The following GMDS variants were observed in gnomAD, a reference collection of about 807,000 sequenced individuals.
GMDS encodes the protein GDP-mannose 4,6 dehydratase.
In GMDS, 20 loss-of-function variants were observed where a neutral mutation model predicts 49.9. The observed-to-expected ratio is 0.40, with a 90% CI of 0.28 to 0.58. GMDS has a LOEUF of 0.58. GMDS is among the 20% of genes least tolerant of loss of function. The probability of loss-of-function intolerance (pLI) is 0.42; values close to 1 mark genes in which losing one functional copy is unlikely to be tolerated. For synonymous variants in GMDS, 177 were observed against 178.6 expected (o/e 0.99, Z 0.07); for missense variants, 362 against 481.4 (o/e 0.75, Z 2.32).
intron 7 of GMDS, among the ~76,000 whole-genome samples, chr6:1,755,940 C>T (rs1458510179): frequency 6.6e-6 from 1 of 152,154 alleles, no homozygotes; most frequent in Non-Finnish European, 1.5e-5. Flanking sequence ...AGCTGTTGCA[C>T]AGCAAAAGAA....
intron 1 of GMDS, among the ~76,000 whole-genome samples, chr6:2,186,413 A>G (rs1177204881): frequency 1.3e-5 from 2 of 152,214 alleles, no homozygotes; most frequent in Non-Finnish European, 2.9e-5. Flanking sequence ...TTCCCAAAAT[A>G]AGGCAAAGGG....
intron 1 of GMDS, among the ~76,000 whole-genome samples, chr6:2,126,448 A>G (rs185452115): frequency 1.3e-5 from 2 of 152,120 alleles, no homozygotes; most frequent in African/African-American, 4.8e-5. Flanking sequence ...AAAACAAAAA[A>G]CCTTTTTCTT....
intron 9 of GMDS, among the ~76,000 whole-genome samples, chr6:1,637,323 C>T (rs980102419): frequency 5.3e-5 from 8 of 152,232 alleles, no homozygotes; most frequent in Non-Finnish European, 7.3e-5. Flanking sequence ...GCTTCCCGGC[C>T]GGCCCCGCAG....
chr6:2,101,073 A>G (rs891480905), intron 4 of GMDS, among the ~76,000 whole-genome samples: 5 of 151,896 alleles, frequency 3.3e-5, no homozygotes. Flanking sequence ...AAAAGTGAGC[A>G]TTTAAGTGTC....
At chr6:1,767,613 G>GA (rs1768408687) in intron 7 of GMDS, among the ~76,000 whole-genome samples, 1 of 152,324 alleles carries the variant, frequency 6.6e-6, no homozygotes, top group African/African-American at 2.4e-5. Flanking sequence ...AGCAAGTGCT[G>GA]AAAAGGTGAC....
At chr6:1,789,291 G>A (rs369066994) in intron 7 of GMDS, among the ~76,000 whole-genome samples, 5 of 152,222 alleles carry the variant, frequency 3.3e-5, no homozygotes, top group Admixed American at 2.0e-4. Context: ...ACCACTGGCC[G>A]TATGCTGACC....
At chr6:2,063,646 T>A (rs1771329781) in intron 4 of GMDS, among the ~76,000 whole-genome samples, 1 of 152,192 alleles carries the variant, frequency 6.6e-6, no homozygotes, top group Admixed American at 6.5e-5. Context: ...TGTTCCAAAC[T>A]CAATAAAAGA....
chr6:2,113,322 C>T (rs1774655874), intron 4 of GMDS, among the ~76,000 whole-genome samples: 1 of 152,082 alleles, frequency 6.6e-6, no homozygotes, highest in Admixed American at 6.5e-5. Flanking sequence ...CCATCCTCAT[C>T]CAGCAACTTC....
intron 9 of GMDS, among the ~76,000 whole-genome samples, chr6:1,656,866 T>C (rs911937976): frequency 1.3e-5 from 2 of 152,162 alleles, no homozygotes; most frequent in African/African-American, 4.8e-5. Context: ...TACAGGACTT[T>C]GTTGGAGAAG....
intron 4 of GMDS, among the ~76,000 whole-genome samples, chr6:1,961,342 A>G (rs1460067015): frequency 6.6e-6 from 1 of 152,168 alleles, no homozygotes; most frequent in Non-Finnish European, 1.5e-5. Context: ...GGAAATTTAC[A>G]TTTTTAATGA....
intron 4 of GMDS, among the ~76,000 whole-genome samples, chr6:2,042,243 T>C (rs140465266): frequency 9.4e-4 from 143 of 152,360 alleles, no homozygotes; most frequent in Non-Finnish European, 1.5e-3. Context: ...AGTGAATACC[T>C]TAAAGTATTC....
At chr6:2,146,919 T>C (rs1487375715) in intron 1 of GMDS, among the ~76,000 whole-genome samples, 1 of 152,158 alleles carries the variant, frequency 6.6e-6, no homozygotes, top group Non-Finnish European at 1.5e-5. Flanking sequence ...CTTTTGGAGA[T>C]GGAAAGGAAC....
At chr6:2,193,156 C>A (rs1035802380) in intron 1 of GMDS, among the ~76,000 whole-genome samples, 5 of 152,206 alleles carry the variant, frequency 3.3e-5, no homozygotes, top group African/African-American at 1.2e-4. Flanking sequence ...ACAGTCTGCA[C>A]GGCCAAAGAC....
chr6:1,944,412 G>T (rs1214107412), intron 6 of GMDS, among the ~76,000 whole-genome samples: 4 of 152,086 alleles, frequency 2.6e-5, no homozygotes, highest in Non-Finnish European at 5.9e-5. Context: ...GGCTGAGGCA[G>T]GAGAATGGCG....
chr6:2,104,990 G>T (rs1317510766), intron 4 of GMDS, among the ~76,000 whole-genome samples: 1 of 151,878 alleles, frequency 6.6e-6, no homozygotes, highest in African/African-American at 2.4e-5. Flanking sequence ...AGACCATCCT[G>T]GCTAACATGG....
At chr6:2,151,571 C>T (rs920052085) in intron 1 of GMDS, among the ~76,000 whole-genome samples, 6 of 152,040 alleles carry the variant, frequency 3.9e-5, no homozygotes, top group Non-Finnish European at 8.8e-5. Context: ...TGTATAAAAG[C>T]TCTTAGTGTA....
chr6:1,758,667 G>C (rs1357405329), intron 7 of GMDS, among the ~76,000 whole-genome samples: 2 of 152,212 alleles, frequency 1.3e-5, no homozygotes, highest in African/African-American at 2.4e-5. Flanking sequence ...CAAGTTCCAG[G>C]GTGAAGCAGG....
At chr6:1,777,132 C>T (rs1286292559) in intron 7 of GMDS, among the ~76,000 whole-genome samples, 1 of 152,240 alleles carries the variant, frequency 6.6e-6, no homozygotes, top group Non-Finnish European at 1.5e-5. Context: ...GTGTGCCAGG[C>T]ACCATATGGG....
At chr6:2,239,261 G>C (rs561058245) in intron 1 of GMDS, among the ~76,000 whole-genome samples, 1 of 151,542 alleles carries the variant, frequency 6.6e-6, no homozygotes, top group Non-Finnish European at 1.5e-5. Flanking sequence ...CCCAGGACAC[G>C]GATGTTGCAG....
Sources: gnomAD v4.1 joint callset for allele counts (sites outside exome capture counted in the v4.1 genomes callset) on GRCh38, gnomAD v4.1.1 for gene constraint, MANE v1.5 for transcripts, NCBI Gene and HGNC (gene_info 2026-07-23, HGNC 2026-07-21) for gene names.